Variants in SCGN observed in about 807,000 individuals in gnomAD.
The protein encoded by SCGN is secretagogin.
Under a neutral mutation model 39.7 loss-of-function variants are expected in SCGN, and 30 were observed. The ratio of observed to expected loss-of-function variants is 0.76; its 90% CI spans 0.57 to 1.03. The LOEUF (loss-of-function observed/expected upper bound fraction) is 1.03, where lower values mean the gene tolerates loss of function less well. Among genes scored for constraint, SCGN ranks in the 50% least tolerant of loss-of-function variants. The pLI is 0.00. For missense variants in SCGN, 353 were observed against 349.4 expected (o/e 1.01, Z -0.08); for synonymous variants, 106 against 114.1 (o/e 0.93, Z 0.45).
chr6:25,662,526 G>C (rs1385527785), intron 3 of SCGN, among the ~76,000 whole-genome samples: 2 of 152,086 alleles, frequency 1.3e-5, no homozygotes, highest in African/African-American at 4.8e-5. Flanking sequence ...CCTAACACTG[G>C]GAGAGCTAGT....
intron 4 of SCGN, 82 bp downstream of exon 4, chr6:25,665,114 C>T (rs1760404410): frequency 9.4e-7 from 1 of 1,062,604 alleles, no homozygotes; most frequent in African/African-American, 1.6e-5. Flanking sequence ...GCTGCCACCA[C>T]TCCTGCCCAG....
At chr6:25,657,642 C>T (rs899810074) in intron 2 of SCGN, among the ~76,000 whole-genome samples, 2 of 149,502 alleles carry the variant, frequency 1.3e-5, no homozygotes, top group African/African-American at 2.5e-5. Context: ...CACTGAAATG[C>T]TTTTAAGATT....
At chr6:25,673,496 A>T (rs1759526233) in intron 6 of SCGN, among the ~76,000 whole-genome samples, 1 of 152,200 alleles carries the variant, frequency 6.6e-6, no homozygotes, top group Non-Finnish European at 1.5e-5. Context: ...TGAGCTCAAG[A>T]AATTTCGATA....
At chr6:25,695,590 C>T (rs1004179366) in intron 10 of SCGN, among the ~76,000 whole-genome samples, 3 of 152,118 alleles carry the variant, frequency 2.0e-5, no homozygotes, top group South Asian at 4.1e-4. Flanking sequence ...AGTGCAATGG[C>T]GTGATATTGG....
At chr6:25,698,727 G>A (rs1759868626) in intron 10 of SCGN, among the ~76,000 whole-genome samples, 1 of 152,178 alleles carries the variant, frequency 6.6e-6, no homozygotes. Flanking sequence ...TGTGGCCTCA[G>A]AGTCTAATCA....
intron 6 of SCGN, chr6:25,678,946 T>A (rs941460913): frequency 6.6e-6 from 1 of 152,220 alleles, no homozygotes; most frequent in Non-Finnish European, 1.5e-5. Flanking sequence ...TATTGAAAAC[T>A]CTTCACAGTT....
chr6:25,681,834 G>T, intron 6 of SCGN, 117 bp from the exon 7 acceptor site: 1 of 774,620 alleles, frequency 1.3e-6, no homozygotes, highest in Non-Finnish European at 2.2e-6. Flanking sequence ...AGGCAAGTGG[G>T]CTCCTCAGCC....
chr6:25,667,136 C>G (rs1013274259), intron 4 of SCGN, among the ~76,000 whole-genome samples: 2 of 151,778 alleles, frequency 1.3e-5, no homozygotes, highest in African/African-American at 4.8e-5. Flanking sequence ...TAATTTTGTA[C>G]AGTGAACATG....
chr6:25,664,411 A>G (rs1760393414), intron 3 of SCGN, among the ~76,000 whole-genome samples: 1 of 152,200 alleles, frequency 6.6e-6, no homozygotes. Flanking sequence ...TAATTACAAA[A>G]CTTTGGCAAG....
chr6:25,653,460 CT>C lies in SCGN; in HGVS notation c.153+10del. 1 of 1,604,868 alleles carries C rather than the reference CT, an allele frequency of 6.2e-7. No homozygotes were observed. Among genetic ancestry groups the C allele is most frequent in the Admixed American group, 1.7e-5 (1 of 59,968 alleles). On this transcript the variant is annotated intron_variant, in intron 2 of 10. Transcript: ENST00000377961. ...ATGAAACTGGGTACTGATGTAAGTA[CT>C]TGCACACTAAGCCTTAATTTATGCC...
intron 2 of SCGN, among the ~76,000 whole-genome samples, chr6:25,661,049 T>C (rs957695724): frequency 6.6e-6 from 1 of 152,234 alleles, no homozygotes; most frequent in African/African-American, 2.4e-5. Flanking sequence ...AATTACCTTA[T>C]TACTTTGGTC....
intron 6 of SCGN, among the ~76,000 whole-genome samples, chr6:25,681,163 T>C (rs747575463): frequency 1.3e-5 from 2 of 152,232 alleles, no homozygotes; most frequent in South Asian, 2.1e-4. Context: ...TCCTATCTTG[T>C]TTAAAGTTTA....
At chr6:25,690,118 T>C (rs1759756875) in intron 9 of SCGN, among the ~76,000 whole-genome samples, 1 of 152,310 alleles carries the variant, frequency 6.6e-6, no homozygotes, top group East Asian at 1.9e-4. Context: ...TGTCATGTTC[T>C]GAGCAGAAAA....
At chr6:25,667,301 GTT>G in intron 4 of SCGN, among the ~76,000 whole-genome samples, 1 of 152,134 alleles carries the variant, frequency 6.6e-6, no homozygotes, top group African/African-American at 2.4e-5. Flanking sequence ...TGCCTTTGTA[GTT>G]TGTCAATTTT....
chr6:25,657,699 A>ATG (rs199980701), intron 2 of SCGN, among the ~76,000 whole-genome samples: 6 of 148,638 alleles, frequency 4.0e-5, no homozygotes, highest in Non-Finnish European at 8.9e-5. Context: ...ATATATGTGT[A>ATG]TGTGTGTGTG....
intron 7 of SCGN, 105 bp from the exon 8 acceptor site, chr6:25,689,067 G>A: frequency 1.4e-6 from 1 of 704,192 alleles, no homozygotes; most frequent in Non-Finnish European, 2.4e-6. Context: ...TACCTATTCT[G>A]TTCTGCAGGA....
intron 7 of SCGN, among the ~76,000 whole-genome samples, chr6:25,687,315 A>C (rs1759718161): frequency 6.6e-6 from 1 of 152,182 alleles, no homozygotes. Context: ...CTCCCAGTGT[A>C]TGAACATGGG....
At chr6:25,659,758 G>A (rs909494310) in intron 2 of SCGN, among the ~76,000 whole-genome samples, 5 of 152,042 alleles carry the variant, frequency 3.3e-5, no homozygotes, top group Admixed American at 3.3e-4. Context: ...GTCTTCCCTG[G>A]GTTTTATGCC....
At position 25,652,375 on chromosome 6, in the gene SCGN, G is replaced by A; in HGVS notation, c.-29G>A. 1 of 1,606,114 alleles carries A rather than the reference G, an allele frequency of 6.2e-7. No homozygotes were observed. The highest frequency in any genetic ancestry group is 8.5e-7 in the Non-Finnish European group (1 of 1,172,962). Reference sequence around the variant, plus strand: ...CCCAAAGTTGTCTAGGTCCTTCCGCGCCGGTGCCTGGTCTTCGTCGTCAAC... The same window carrying A: ...CCCAAAGTTGTCTAGGTCCTTCCGCACCGGTGCCTGGTCTTCGTCGTCAAC... On this transcript the variant is annotated 5_prime_UTR_variant, in exon 1 of 11. Coordinates refer to ENST00000377961, the MANE Select transcript of SCGN (RefSeq NM_006998.4).
Sources: allele counts gnomAD v4.1 joint callset (sites outside exome capture counted in the v4.1 genomes callset), GRCh38; gene constraint gnomAD v4.1.1; transcripts MANE v1.5; gene names NCBI Gene and HGNC (gene_info 2026-07-23, HGNC 2026-07-21).